SANBR: variants seen among roughly 807,000 people sequenced by gnomAD.
SANBR encodes the protein SANT and BTB domain regulator of class switch recombination.
SANBR carries 77 observed loss-of-function variants against 101.8 expected under a neutral mutation model. The observed-to-expected ratio is 0.76, with a 90% confidence interval of 0.63 to 0.91. The LOEUF (loss-of-function observed/expected upper bound fraction) is 0.91. Ranked by LOEUF, SANBR falls within the 40% of genes least tolerant of loss-of-function variation. The probability of loss-of-function intolerance (pLI) is 0.00; values close to 1 mark genes in which losing one functional copy is unlikely to be tolerated. For missense variants in SANBR, 875 were observed against 853.0 expected (o/e 1.03, Z -0.32); for synonymous variants, 279 against 274.7 (o/e 1.02, Z -0.15).
intron 12 of SANBR, 124 bp downstream of exon 12, chr2:61,097,976 C>G: frequency 1.5e-6 from 1 of 647,212 alleles, no homozygotes; most frequent in Non-Finnish European, 2.4e-6. Flanking sequence ...TATAACACTC[C>G]CCCATTTTCC....
At chr2:61,085,262 A>G (rs192935652) in intron 8 of SANBR, among the ~76,000 whole-genome samples, 9 of 152,190 alleles carry the variant, frequency 5.9e-5, no homozygotes, top group Admixed American at 5.2e-4. Context: ...AGTGGTGAAG[A>G]CATTGTCCTA....
intron 20 of SANBR, among the ~76,000 whole-genome samples, chr2:61,129,647 T>G (rs953092234): frequency 6.6e-6 from 1 of 151,656 alleles, no homozygotes; most frequent in East Asian, 1.9e-4. Flanking sequence ...ACAAAGGAGG[T>G]GGATGGGAGC....
Position 61,083,258 on chromosome 2 carries a change from T to C in SANBR, c.834T>C (p.Asp278=). 6.2e-7 allele frequency: 1 copy of C among 1,611,288 alleles called. No homozygotes were observed. Among genetic ancestry groups the C allele is most frequent in the East Asian group, 2.2e-5 (1 of 44,810 alleles). Residue 278 remains aspartate (D), a synonymous_variant, in exon 8 of 22, where the codon GAT becomes GAC. Transcript: ENST00000402291. ...CAAATCTTCTCACACGTATAGCTGA[T>C]CTGTTCTCACACAATGAAGTTGATG... The part of the protein sequence containing the change: ...INANLLTRIA[D]LFSHNEVDDL...
At chr2:61,115,330 GTA>G (rs927461398) in intron 16 of SANBR, among the ~76,000 whole-genome samples, 8 of 139,296 alleles carry the variant, frequency 5.7e-5, no homozygotes, top group South Asian at 2.2e-4. Flanking sequence ...GTCACTCATC[GTA>G]TATATATATA....
intron 11 of SANBR, among the ~76,000 whole-genome samples, chr2:61,095,285 T>C (rs1344371302): frequency 3.9e-5 from 6 of 152,326 alleles, no homozygotes; most frequent in East Asian, 1.9e-4. Flanking sequence ...ATTGATGATA[T>C]TGACTATTTA....
At chr2:61,102,256 G>C (rs1363348640) in intron 12 of SANBR, among the ~76,000 whole-genome samples, 1 of 148,324 alleles carries the variant, frequency 6.7e-6, no homozygotes, top group South Asian at 2.2e-4. Context: ...TGCGCCTGTA[G>C]TCCCAGCTAC....
intron 20 of SANBR, among the ~76,000 whole-genome samples, chr2:61,129,568 A>G (rs59977987): frequency 8.5e-4 from 129 of 152,262 alleles, no homozygotes; most frequent in African/African-American, 2.8e-3. Context: ...TTAAAAAGCA[A>G]TTGAATATGT....
At position 61,083,564 on chromosome 2, in the gene SANBR, A is replaced by AT. The variant is rs909887175; in HGVS notation, c.890+252dup. 2.4e-5 allele frequency among the ~76,000 whole-genome samples: 3 copies of AT among 125,950 alleles called. 1 individual carries two copies. The highest frequency in any genetic ancestry group is 6.9e-5 in the African/African-American group (2 of 29,096). 82.6% of individuals were successfully genotyped at this position (125,950 alleles called of 152,430 possible). A position where few individuals can be genotyped will look rare whatever the true frequency, so the allele number is the denominator to read the frequency against. ...GGAATGCACCACCATGCCCAGCTAA[A>AT]TTAAAAAAAAAAAAAAAAATTTTGA... On this transcript the variant is annotated intron_variant, in intron 8 of 21. Coordinates refer to ENST00000402291, the MANE Select transcript of SANBR (RefSeq NM_001129993.3).
rs762362303 is a variant in SANBR at position 61,108,289 on chromosome 2, T to C, written c.1612-28T>C. 4 of 1,493,578 alleles carry C rather than the reference T, an allele frequency of 2.7e-6. No homozygotes were observed. The East Asian group carries it at 9.4e-5, about 35-fold the overall frequency. The allele number at this position is 1,493,578 out of a possible 1,614,324, so 92.5% of individuals were successfully genotyped here. ...AGCTGCAATCTAGGTAAATGCAGAT[T>C]TATTAATCTCTTATTCCTGTCTTGT... On this transcript the variant is annotated intron_variant, in intron 14 of 21. Coordinates refer to ENST00000402291, the MANE Select transcript of SANBR (RefSeq NM_001129993.3).
chr2:61,102,113 C>T (rs1166649940), intron 12 of SANBR, among the ~76,000 whole-genome samples: 1 of 152,020 alleles, frequency 6.6e-6, no homozygotes, highest in South Asian at 2.1e-4. Flanking sequence ...GTGGCTCACA[C>T]CTGTAATCCC....
rs757076141 is a variant in SANBR at position 61,083,186 on chromosome 2, T to C, written c.762T>C (p.Asn254=). 2.5e-6 allele frequency: 4 copies of C among 1,612,812 alleles called. No individual in the cohort carries two copies. The highest frequency in any genetic ancestry group is 3.3e-5 in the Admixed American group (2 of 59,952). ...VEQCIQYCHK[N]MNAIVATPCN... ...AGTGTATTCAGTATTGCCACAAAAA[T>C]ATGAATGCCATAGTAGCTACCCCAT... Residue 254 remains asparagine, a synonymous_variant, in exon 8 of 22, where the codon AAT becomes AAC. Coordinates refer to ENST00000402291, the MANE Select transcript of SANBR (RefSeq NM_001129993.3).
intron 10 of SANBR, chr2:61,089,062 C>G (rs1348548622): frequency 5.1e-6 from 5 of 975,014 alleles, no homozygotes; most frequent in Middle Eastern, 5.2e-4. Context: ...TTAAAATGCT[C>G]TCTTTTCACT....
Position 61,071,571 on chromosome 2 carries a change from C to T in SANBR, c.151-35C>T, listed in dbSNP as rs767481291. 7.1e-6 allele frequency: 10 copies of T among 1,399,228 alleles called. No homozygotes were observed. The South Asian group carries it at 1.2e-4, about 17-fold the overall frequency. The allele number at this position is 1,399,228 out of a possible 1,614,324, so 86.7% of individuals were successfully genotyped here. On this transcript the variant is annotated intron_variant, in intron 3 of 21. Coordinates refer to ENST00000402291, the MANE Select transcript of SANBR (RefSeq NM_001129993.3). ...TCTCAAAAAAAAAAAAAAAAATTCC[C>T]AAACCTCTGTTTCTTTCATTTTATA...
At chr2:61,080,505 G>C (rs1682057106) in intron 6 of SANBR, among the ~76,000 whole-genome samples, 1 of 152,202 alleles carries the variant, frequency 6.6e-6, no homozygotes, top group South Asian at 2.1e-4. Context: ...GGCGGATCAC[G>C]AGGTGAAGAG....
chr2:61,118,534 C>G (rs1202825693), intron 20 of SANBR, among the ~76,000 whole-genome samples: 2 of 150,458 alleles, frequency 1.3e-5, no homozygotes, highest in African/African-American at 4.9e-5. Context: ...AGCCACCACA[C>G]CTGGCCAAAT....
chr2:61,122,376 A>C lies in SANBR; in HGVS notation c.*214A>C. 1 of 1,256,666 alleles carries C rather than the reference A, an allele frequency of 8.0e-7. No homozygotes were observed. The highest frequency in any genetic ancestry group is 1.0e-6 in the Non-Finnish European group (1 of 987,706). The allele number at this position is 1,256,666 out of a possible 1,614,324, so 77.8% of individuals were successfully genotyped here. A position where few individuals can be genotyped will look rare whatever the true frequency, so the allele number is the denominator to read the frequency against. Reference sequence around the variant, plus strand: ...ACTTTTTAAATCTGATTTTCTTCTAATATCATTCTAGGCTATGTAGAAAGC... The same window carrying C: ...ACTTTTTAAATCTGATTTTCTTCTACTATCATTCTAGGCTATGTAGAAAGC... On this transcript the variant is annotated 3_prime_UTR_variant, in exon 22 of 22. Coordinates refer to ENST00000402291, the MANE Select transcript of SANBR (RefSeq NM_001129993.3).
chr2:61,071,873 C>A, intron 4 of SANBR, 81 bp downstream of exon 4: 2 of 879,118 alleles, frequency 2.3e-6, no homozygotes, highest in Non-Finnish European at 3.5e-6. Flanking sequence ...ACTTTTCTTT[C>A]TTTGTTTAAA....
chr2:61,079,210 C>G (rs1408910960), intron 6 of SANBR, among the ~76,000 whole-genome samples: 3 of 152,022 alleles, frequency 2.0e-5, no homozygotes, highest in Non-Finnish European at 2.9e-5. Context: ...TTAGGATTCT[C>G]AGTTTTTAAG....
At chr2:61,079,756 A>C (rs79740977) in intron 6 of SANBR, among the ~76,000 whole-genome samples, 1 of 152,088 alleles carries the variant, frequency 6.6e-6, no homozygotes, top group Non-Finnish European at 1.5e-5. Flanking sequence ...TTCAAAAAAA[A>C]TTAGCCTGGT....
Sources: gnomAD v4.1 joint callset for allele counts (sites outside exome capture counted in the v4.1 genomes callset) on GRCh38, gnomAD v4.1.1 for gene constraint, MANE v1.5 for transcripts, NCBI Gene and HGNC (gene_info 2026-07-23, HGNC 2026-07-21) for gene names.